The following BIN3 variants were observed in gnomAD, a reference collection of about 807,000 sequenced individuals.
BIN3 encodes the protein bridging integrator 3.
A neutral mutation model predicts 38.2 loss-of-function variants in BIN3; 41 were observed. The observed-to-expected ratio is 1.07, with a 90% CI of 0.84 to 1.39. The LOEUF is 1.39. Ranked by LOEUF, BIN3 falls within the 40% of genes most tolerant of loss-of-function variation. The pLI, the probability that BIN3 is intolerant of heterozygous loss-of-function variation, is 0.00. For synonymous variants in BIN3, 145 were observed against 122.6 expected (o/e 1.18, Z -1.21); for missense variants, 361 against 324.3 (o/e 1.11, Z -0.87).
chr8:22,641,802 C>A (rs1802570491), intron 2 of BIN3, among the ~76,000 whole-genome samples: 3 of 152,162 alleles, frequency 2.0e-5, no homozygotes. Context: ...ACCCTTGTTT[C>A]AGGGGGACAC....
At chr8:22,630,372 G>C (rs1429490030) in intron 5 of BIN3, 70 bp downstream of exon 5, 5 of 1,589,662 alleles carry the variant, frequency 3.1e-6, no homozygotes, top group Non-Finnish European at 4.3e-6. Flanking sequence ...GGGCCTCCCC[G>C]CACAGTCCAC....
chr8:22,660,619 C>CG (rs1205809013), intron 1 of BIN3, among the ~76,000 whole-genome samples: 1 of 152,078 alleles, frequency 6.6e-6, no homozygotes, highest in East Asian at 1.9e-4. Flanking sequence ...GGGGCAGGGG[C>CG]GGGGGGCGCG....
intron 1 of BIN3, among the ~76,000 whole-genome samples, chr8:22,658,663 C>G (rs1353853286): frequency 6.6e-6 from 1 of 152,178 alleles, no homozygotes; most frequent in Non-Finnish European, 1.5e-5. Context: ...CTCCAGAATC[C>G]TACTAAACAT....
intron 1 of BIN3, among the ~76,000 whole-genome samples, chr8:22,647,051 T>G (rs1434450329): frequency 6.6e-6 from 1 of 152,222 alleles, no homozygotes; most frequent in Non-Finnish European, 1.5e-5. Context: ...ATTTTGTGAT[T>G]TGAACAAATC....
chr8:22,630,903 G>A (rs1447178314), intron 4 of BIN3, among the ~76,000 whole-genome samples: 2 of 152,154 alleles, frequency 1.3e-5, no homozygotes, highest in Non-Finnish European at 2.9e-5. Context: ...AGTAAACCCG[G>A]TACCCAAGAA....
intron 4 of BIN3, among the ~76,000 whole-genome samples, chr8:22,631,401 AAAGCTGCC>A (rs1563951981): frequency 1.5e-4 from 23 of 152,180 alleles, no homozygotes; most frequent in African/African-American, 5.1e-4. Flanking sequence ...AAAGAGCTCC[AAAGCTGCC>A]AGCAGGTCCC....
chr8:22,628,383 T>C (rs750185988), intron 6 of BIN3, among the ~76,000 whole-genome samples: 1 of 152,114 alleles, frequency 6.6e-6, no homozygotes, highest in Non-Finnish European at 1.5e-5. Flanking sequence ...AGGAAGCCAA[T>C]GGGAAGAGGC....
rs1449680980 is a variant in BIN3 at position 22,621,291 on chromosome 8, A to G, written c.*131T>C. 1.6e-6 allele frequency: 2 copies of G among 1,262,794 alleles called. No individual in the cohort carries two copies. The highest frequency in any genetic ancestry group is 2.1e-6 in the Non-Finnish European group (2 of 933,958). The allele number at this position is 1,262,794 out of a possible 1,614,324, so 78.2% of individuals were successfully genotyped here. On this transcript the variant is annotated 3_prime_UTR_variant, in exon 9 of 9. Coordinates refer to ENST00000276416, the MANE Select transcript of BIN3 (RefSeq NM_018688.6). ...GTGCCAGGCTCAGGAAGAGTCATTC[A>G]TTGCAAAGGGCCGGCAAGTGAACCA...
chr8:22,662,946 G>A (rs763002459), intron 1 of BIN3, among the ~76,000 whole-genome samples: 3 of 152,166 alleles, frequency 2.0e-5, no homozygotes, highest in African/African-American at 4.8e-5. Flanking sequence ...AAACCAGCCT[G>A]GCTAACATAG....
At chr8:22,638,493 C>T (rs1450491152) in intron 2 of BIN3, among the ~76,000 whole-genome samples, 1 of 152,216 alleles carries the variant, frequency 6.6e-6, no homozygotes, top group African/African-American at 2.4e-5. Flanking sequence ...CTGCCAGGTT[C>T]TGGGGATACC....
rs975563911 is a variant in BIN3 at position 22,621,340 on chromosome 8, T to A, written c.*82A>T. 30 of 1,501,238 alleles carry A rather than the reference T, an allele frequency of 2.0e-5. No individual in the cohort carries two copies. Among genetic ancestry groups the A allele is most frequent in the African/African-American group, 1.9e-4 (14 of 72,438 alleles). The allele number at this position is 1,501,238 out of a possible 1,614,324, so 93.0% of individuals were successfully genotyped here. ...CAGGGCCACCTCTGTCCCCAGCCTG[T>A]GAGAGGAGCAGCTAGCCCTGAGAAG... On this transcript the variant is annotated 3_prime_UTR_variant, in exon 9 of 9. Transcript: ENST00000276416.
At chr8:22,634,408 C>T in intron 4 of BIN3, 1 of 446,718 alleles carries the variant, frequency 2.2e-6, no homozygotes, top group East Asian at 7.0e-5. Flanking sequence ...GCAGTCAGCG[C>T]TCACCCGGGC....
At chr8:22,629,940 G>A (rs1231960126) in intron 6 of BIN3, 24 bp downstream of exon 6, 1 of 1,595,112 alleles carries the variant, frequency 6.3e-7, no homozygotes, top group Non-Finnish European at 8.6e-7. Flanking sequence ...AGTGCCCCGA[G>A]GCCCCCAGGT....
chr8:22,660,904 G>A (rs1431509592), intron 1 of BIN3, among the ~76,000 whole-genome samples: 2 of 151,930 alleles, frequency 1.3e-5, no homozygotes, highest in Non-Finnish European at 2.9e-5. Flanking sequence ...TAGTTTTTTT[G>A]AGACAGGGTT....
intron 1 of BIN3, among the ~76,000 whole-genome samples, chr8:22,647,980 A>C (rs993376574): frequency 1.3e-5 from 2 of 151,828 alleles, no homozygotes; most frequent in Non-Finnish European, 2.9e-5. Context: ...ATACAAAAAA[A>C]AAAAATTAGC....
chr8:22,660,385 C>G (rs1407541457), intron 1 of BIN3, among the ~76,000 whole-genome samples: 1 of 152,264 alleles, frequency 6.6e-6, no homozygotes, highest in East Asian at 1.9e-4. Context: ...CTGACAGTGG[C>G]TTAGACTCTG....
intron 4 of BIN3, among the ~76,000 whole-genome samples, chr8:22,632,510 T>C (rs943635826): frequency 6.6e-6 from 1 of 152,166 alleles, no homozygotes; most frequent in African/African-American, 2.4e-5. Context: ...AGTGACTCTG[T>C]AGATTTAGGA....
intron 1 of BIN3, among the ~76,000 whole-genome samples, chr8:22,645,907 C>G (rs1255067307): frequency 2.0e-5 from 3 of 152,178 alleles, no homozygotes; most frequent in African/African-American, 7.2e-5. Flanking sequence ...GGAAAATAAT[C>G]TGAAATCCAG....
At chr8:22,633,730 C>T (rs1158177828) in intron 4 of BIN3, among the ~76,000 whole-genome samples, 1 of 152,242 alleles carries the variant, frequency 6.6e-6, no homozygotes, top group Non-Finnish European at 1.5e-5. Context: ...CAGGGACACA[C>T]ATTTTCAGGT....
Sources: gnomAD v4.1 joint callset for allele counts (sites outside exome capture counted in the v4.1 genomes callset) on GRCh38, gnomAD v4.1.1 for gene constraint, MANE v1.5 for transcripts, NCBI Gene and HGNC (gene_info 2026-07-23, HGNC 2026-07-21) for gene names.